DNAAF6: variants seen among roughly 807,000 people sequenced by gnomAD.
DNAAF6 encodes the protein dynein axonemal assembly factor 6.
In DNAAF6, 3 loss-of-function variants were observed where a neutral mutation model predicts 13.7. That is an observed-to-expected ratio of 0.22 (90% confidence interval 0.10 to 0.56). DNAAF6 has a LOEUF of 0.56. Among genes scored for constraint, DNAAF6 ranks in the 20% least tolerant of loss-of-function variants. The pLI is 0.92. For missense variants in DNAAF6, 130 were observed against 151.0 expected, an observed-to-expected ratio of 0.86 and a Z score of 0.73; for synonymous variants, 54 against 49.2, an observed-to-expected ratio of 1.10 and a Z score of -0.41.
At chrX:107,236,262 G>A (rs1410502541) in intron 5 of DNAAF6, among the ~76,000 whole-genome samples, 3 of 112,462 alleles carry the variant, frequency 2.7e-5, no homozygotes, top group Admixed American at 1.9e-4. Context: ...TAGTTTACCT[G>A]TTAAAATAAC....
intron 5 of DNAAF6, among the ~76,000 whole-genome samples, chrX:107,234,236 C>A (rs1928470674): frequency 8.9e-6 from 1 of 112,185 alleles, no homozygotes; most frequent in African/African-American, 3.2e-5. Context: ...AAAAACATGA[C>A]CTATTGGGCC....
intron 5 of DNAAF6, among the ~76,000 whole-genome samples, chrX:107,223,605 C>T (rs2147831759): frequency 9.0e-6 from 1 of 111,699 alleles, no homozygotes; most frequent in Admixed American, 9.5e-5. Flanking sequence ...TTTTTGAGAT[C>T]AGGAACTTTG....
chrX:107,213,327 C>A (rs1468578454), intron 2 of DNAAF6, among the ~76,000 whole-genome samples: 1 of 112,204 alleles, frequency 8.9e-6, no homozygotes, highest in Non-Finnish European at 1.9e-5. Context: ...GCTTGACAAC[C>A]ATTGCAGAGT....
At chrX:107,230,662 G>A (rs915250422) in intron 5 of DNAAF6, among the ~76,000 whole-genome samples, 10 of 111,764 alleles carry the variant, frequency 8.9e-5, no homozygotes, top group Non-Finnish European at 1.7e-4. Context: ...CAGCCTGGGC[G>A]ACTCCGTCTC....
chrX:107,214,143 G>A (rs1602678173), intron 2 of DNAAF6, among the ~76,000 whole-genome samples: 1 of 111,627 alleles, frequency 9.0e-6, no homozygotes, highest in South Asian at 3.7e-4. Flanking sequence ...GTTTTAGTCA[G>A]GGAAAAGTCT....
chrX:107,243,022 T>G, intron 6 of DNAAF6, 147 bp from the exon 7 acceptor site: 2 of 615,667 alleles, frequency 3.2e-6, no homozygotes, highest in Non-Finnish European at 4.8e-6. Flanking sequence ...TATTTAGGCA[T>G]ATTTTTGATC....
chrX:107,216,857 ATGTAT>A (rs1478162186), intron 3 of DNAAF6, 114 bp downstream of exon 3: 10 of 476,588 alleles, frequency 2.1e-5, no homozygotes, highest in Non-Finnish European at 2.6e-5. Flanking sequence ...CTAAATAACA[ATGTAT>A]TGTATACTTG....
intron 1 of DNAAF6, among the ~76,000 whole-genome samples, chrX:107,208,238 A>C (rs1927758784): frequency 9.1e-6 from 1 of 110,299 alleles, no homozygotes; most frequent in Non-Finnish European, 1.9e-5. Context: ...TACAAGTAAT[A>C]ACAAAAATTA....
intron 1 of DNAAF6, among the ~76,000 whole-genome samples, chrX:107,207,991 G>T (rs995449964): frequency 1.5e-4 from 17 of 111,367 alleles, no homozygotes; most frequent in Non-Finnish European, 3.0e-4. Context: ...GATAGAGGTG[G>T]AGTATGAGAC....
At chrX:107,224,362 T>TTTTCTCTTTCTTTCCTTTA (rs1928211671) in intron 5 of DNAAF6, among the ~76,000 whole-genome samples, 1 of 112,197 alleles carries the variant, frequency 8.9e-6, no homozygotes, top group Non-Finnish European at 1.9e-5. Flanking sequence ...ATACTGTTCC[T>TTTTCTCTTTCTTTCCTTTA]TTTCTCTTTC....
chrX:107,226,658 C>A (rs996361590), intron 5 of DNAAF6, among the ~76,000 whole-genome samples: 10 of 111,780 alleles, frequency 8.9e-5, no homozygotes, highest in Admixed American at 1.9e-4. Context: ...GGTATTCTGC[C>A]AAATTACCCT....
rs1308300250 is a variant in DNAAF6 at position 107,238,999 on chromosome X, T to C, written c.507T>C (p.Thr169=). ...AGGAAACAATCCTTGACCTTCGTAC[T>C]CCTCAGAAGTGAGTAAAACTTAGAA... ...DIQETILDLR[T]PQKKLLITLP... is the part of the protein sequence containing the mutation. The change falls in exon 6 of 7, where the codon ACT becomes ACC. Residue 169 remains threonine (T), a synonymous_variant. Coordinates refer to ENST00000372453, the MANE Select transcript of DNAAF6 (RefSeq NM_173494.2). 2.5e-6 allele frequency: 3 copies of C among 1,201,562 alleles called. No individual in the cohort carries two copies. In the Admixed American group the frequency reaches 6.9e-5, roughly 27 times the overall value.
At chrX:107,209,002 A>T (rs1200171612) in intron 1 of DNAAF6, among the ~76,000 whole-genome samples, 1 of 112,123 alleles carries the variant, frequency 8.9e-6, no homozygotes, top group Non-Finnish European at 1.9e-5. Flanking sequence ...AGTACATTTG[A>T]TGGTAGCGAA....
chrX:107,235,375 A>G (rs1422282092), intron 5 of DNAAF6, among the ~76,000 whole-genome samples: 1 of 111,767 alleles, frequency 8.9e-6, no homozygotes, highest in Admixed American at 9.5e-5. Context: ...CCCCTCCCAC[A>G]TTGAGTAGGG....
At chrX:107,231,255 G>T (rs1452143229) in intron 5 of DNAAF6, among the ~76,000 whole-genome samples, 2 of 111,483 alleles carry the variant, frequency 1.8e-5, no homozygotes, top group African/African-American at 6.5e-5. Context: ...CTTATTTGTG[G>T]GATCTAAAAA....
intron 5 of DNAAF6, among the ~76,000 whole-genome samples, chrX:107,223,205 G>GCAAT (rs1449619026): frequency 5.4e-5 from 6 of 111,210 alleles, no homozygotes; most frequent in Non-Finnish European, 7.6e-5. Flanking sequence ...GAATTGACAG[G>GCAAT]CAATCAGAAT....
At chrX:107,234,316 C>T (rs2147836512) in intron 5 of DNAAF6, among the ~76,000 whole-genome samples, 1 of 112,183 alleles carries the variant, frequency 8.9e-6, no homozygotes, top group South Asian at 3.7e-4. Context: ...TTTATAATTT[C>T]AAAGCAGAGA....
At chrX:107,215,921 A>G (rs777700114) in intron 2 of DNAAF6, among the ~76,000 whole-genome samples, 1 of 111,844 alleles carries the variant, frequency 8.9e-6, no homozygotes, top group South Asian at 3.8e-4. Flanking sequence ...AGACGGGCCA[A>G]TGAGGTGGTG....
intron 2 of DNAAF6, 65 bp from the exon 3 acceptor site, chrX:107,216,606 A>G: frequency 1.4e-6 from 1 of 731,510 alleles, no homozygotes; most frequent in South Asian, 3.9e-5. Context: ...AATTTAAAGT[A>G]TCACTAGTCA....
Sources: allele counts gnomAD v4.1 joint callset (sites outside exome capture counted in the v4.1 genomes callset), GRCh38; gene constraint gnomAD v4.1.1; transcripts MANE v1.5; gene names NCBI Gene and HGNC (gene_info 2026-07-23, HGNC 2026-07-21).